Variants in FBXO3 observed in about 807,000 individuals in gnomAD.
FBXO3 encodes the protein F-box only protein 3.
FBXO3 carries 17 observed loss-of-function variants against 64.8 expected under a neutral mutation model. The observed-to-expected ratio is 0.26, with a 90% CI of 0.18 to 0.39. The LOEUF is 0.39. FBXO3 is among the 10% of genes least tolerant of loss of function. The pLI is 1.00. For synonymous variants in FBXO3, 182 were observed against 201.6 expected (o/e 0.90, Z 0.82); for missense variants, 420 against 589.9 (o/e 0.71, Z 2.98).
At chr11:33,746,829 C>G in intron 10 of FBXO3, 1 of 1,410,392 alleles carries the variant, frequency 7.1e-7, no homozygotes, top group Non-Finnish European at 9.2e-7. Flanking sequence ...AAGTTGTTTT[C>G]CCAGTCTTAA....
intron 4 of FBXO3, chr11:33,757,166 A>G: frequency 4.0e-6 from 2 of 494,648 alleles, no homozygotes; most frequent in South Asian, 3.0e-5. Context: ...CCAGGTTCCA[A>G]TAAGAACAGT....
intron 3 of FBXO3, among the ~76,000 whole-genome samples, chr11:33,760,100 AAGTAGAAGC>A (rs1200924599): frequency 6.6e-6 from 1 of 152,358 alleles, no homozygotes; most frequent in Non-Finnish European, 1.5e-5. Context: ...AAGCAGAATG[AAGTAGAAGC>A]AGTATTTGGA....
At position 33,748,871 on chromosome 11, in the gene FBXO3, T is replaced by C; in HGVS notation, c.954A>G (p.Ala318=). ...YRIRIEMSKD[A]LPEKACQLDS... ...CCAACTGACAGGCCTTCTCAGGAAG[T>C]GCATCTTTTGACATTTCAATCCTAG... Residue 318 remains alanine (A), a synonymous_variant, in exon 9 of 11, where the codon GCA becomes GCG. Transcript: ENST00000265651. 1 of 1,613,412 alleles carries C rather than the reference T, an allele frequency of 6.2e-7. No homozygotes were observed.
In FBXO3 at chr11:33,746,728, C is replaced by T; in HGVS notation, c.1239+402G>A. ...TCCCAGAGAGACTGCCAAAAGTACA[C>T]ATCCACACATTAAATTTTCTTTATA... On this transcript the variant is annotated intron_variant, in intron 10 of 10. Transcript: ENST00000265651. 4.9e-6 allele frequency: 7 copies of T among 1,418,652 alleles called. No homozygotes were observed. In the South Asian group the frequency reaches 1.0e-4, roughly 21 times the overall value. The allele number at this position is 1,418,652 out of a possible 1,614,324, so 87.9% of individuals were successfully genotyped here.
chr11:33,742,199 T>G, intron 10 of FBXO3, 115 bp from the exon 11 acceptor site: 1 of 980,102 alleles, frequency 1.0e-6, no homozygotes, highest in East Asian at 2.7e-5. Flanking sequence ...AATATGAATT[T>G]CCATAGACTT....
intron 3 of FBXO3, among the ~76,000 whole-genome samples, chr11:33,766,465 G>A (rs559112953): frequency 6.6e-6 from 1 of 152,190 alleles, no homozygotes; most frequent in African/African-American, 2.4e-5. Context: ...CGGAGTTGAA[G>A]AGTTGTGACA....
chr11:33,746,458 C>A, intron 10 of FBXO3: 1 of 478,498 alleles, frequency 2.1e-6, no homozygotes, highest in South Asian at 4.4e-5. Context: ...TCCATCTTTC[C>A]AAACTTAAAC....
intron 1 of FBXO3, chr11:33,771,423 C>T (rs569736543): frequency 1.3e-5 from 2 of 152,328 alleles, no homozygotes; most frequent in African/African-American, 4.8e-5. Context: ...TGCCCCAAAA[C>T]ATCGAATGTT....
At chr11:33,769,567 G>T (rs1269558785) in intron 2 of FBXO3, among the ~76,000 whole-genome samples, 1 of 152,176 alleles carries the variant, frequency 6.6e-6, no homozygotes, top group African/African-American at 2.4e-5. Context: ...AAAGGTAAGA[G>T]TCTAACCAGT....
chr11:33,771,076 A>C (rs1855499028), intron 1 of FBXO3: 1 of 344,824 alleles, frequency 2.9e-6, no homozygotes, highest in Non-Finnish European at 5.4e-6. Context: ...ATTTTTCACA[A>C]AAATATCTAC....
At chr11:33,768,762 G>A (rs762812423) in intron 3 of FBXO3, 89 bp downstream of exon 3, 63 of 1,476,282 alleles carry the variant, frequency 4.3e-5, no homozygotes, top group African/African-American at 1.2e-4. Context: ...ACACAGTTGC[G>A]TAGATGACAG....
In FBXO3 at chr11:33,774,493, G is replaced by T. The variant is rs373113147; in HGVS notation, c.5C>A (p.Ala2Glu). Residue 2 changes from alanine to glutamate, a missense_variant, in exon 1 of 11, where the codon GCG (alanine) becomes GAG (glutamate). Ala to Glu is a moderately radical substitution (Grantham distance 107, BLOSUM62 -1). Around this residue, in one of 3 missense-constraint regions of FBXO3, gnomAD observed 26 missense variants for 16.1 expected, o/e 1.62. Coordinates refer to ENST00000265651, the MANE Select transcript of FBXO3 (RefSeq NM_012175.4). M[A>E]AMETETAPLT... ...CGGCGCCGTCTCGGTCTCCATGGCCGCCATCTTGCCTGGCCCGGTGCAGGT... is the reference window on the plus strand; with the variant it reads ...CGGCGCCGTCTCGGTCTCCATGGCCTCCATCTTGCCTGGCCCGGTGCAGGT... The T allele has an allele frequency of 4.5e-5, 70 of 1,556,654 alleles. No individual in the cohort carries two copies. Among genetic ancestry groups the T allele is most frequent in the African/African-American group, 2.8e-5 (2 of 72,224 alleles).
rs548047340 is a variant in FBXO3 at position 33,752,392 on chromosome 11, TA to T, written c.725-786del. On this transcript the variant is annotated intron_variant, in intron 6 of 10. Transcript: ENST00000265651. ...CAGTGCCTGGAATGTATTAGTCCTT[TA>T]ATTAATGTTGTTCAACAATGAATTT... is the stretch of plus-strand genomic sequence containing the variant. Among the ~76,000 whole-genome samples the T allele has an allele frequency of 1.2e-3, 181 of 152,338 alleles. 1 individual carries two copies. The highest frequency in any genetic ancestry group is 1.9e-3 in the Admixed American group (29 of 15,306).
chr11:33,748,327 C>T (rs1482261089), intron 9 of FBXO3, among the ~76,000 whole-genome samples: 1 of 152,114 alleles, frequency 6.6e-6, no homozygotes, highest in Non-Finnish European at 1.5e-5. Context: ...TGTTATTTTC[C>T]TGGAGCATAT....
intron 2 of FBXO3, among the ~76,000 whole-genome samples, 185 bp downstream of exon 2, chr11:33,770,556 G>T (rs1411807250): frequency 6.6e-6 from 1 of 152,230 alleles, no homozygotes; most frequent in African/African-American, 2.4e-5. Flanking sequence ...GTAGAGTTCA[G>T]CAAGGGAGAG....
rs894322127 is a variant in FBXO3 at position 33,743,116 on chromosome 11, T to C, written c.1240-1032A>G. 1 of 152,202 alleles carries C rather than the reference T, an allele frequency of 6.6e-6. No individual in the cohort carries two copies. The highest frequency in any genetic ancestry group is 2.4e-5 in the African/African-American group (1 of 41,410). 9.4% of individuals were successfully genotyped at this position (152,202 alleles called of 1,614,324 possible). A position where few individuals can be genotyped will look rare whatever the true frequency, so the allele number is the denominator to read the frequency against. Reference sequence around the variant, plus strand: ...GGACTTCTTACATGGTGGCTCAGGGTGTCAAAGACACATGTCCCAGGAGAG... The same window carrying C: ...GGACTTCTTACATGGTGGCTCAGGGCGTCAAAGACACATGTCCCAGGAGAG... On this transcript the variant is annotated intron_variant, in intron 10 of 10. Transcript: ENST00000265651. This position sits in a 1 kb window ranked among gnomAD's most constrained non-coding sequence, Gnocchi z 4.6.
At chr11:33,767,899 C>T in intron 3 of FBXO3, among the ~76,000 whole-genome samples, 1 of 152,220 alleles carries the variant, frequency 6.6e-6, no homozygotes. Flanking sequence ...TACTTTCCTT[C>T]AAAGCCCTAC....
At position 33,755,665 on chromosome 11, in the gene FBXO3, A is replaced by G. The variant is rs1417308013; in HGVS notation, c.678+106T>C. ...TTAGAGAGGTCTATAACTAAAATGC[A>G]TAATATTCTATACCCATTCTACAAT... On this transcript the variant is annotated intron_variant, in intron 5 of 10. Coordinates refer to ENST00000265651, the MANE Select transcript of FBXO3 (RefSeq NM_012175.4). The G allele has an allele frequency of 8.6e-6, 7 of 811,384 alleles. No homozygotes were observed. In the East Asian group the frequency reaches 1.0e-4, roughly 12 times the overall value. The allele number at this position is 811,384 out of a possible 1,614,324, so 50.3% of individuals were successfully genotyped here.
intron 5 of FBXO3, among the ~76,000 whole-genome samples, chr11:33,755,108 T>C (rs918428323): frequency 6.6e-6 from 1 of 151,792 alleles, no homozygotes; most frequent in South Asian, 2.1e-4. Flanking sequence ...CTGATCTCAG[T>C]TGATCCACCC....
Sources: allele counts gnomAD v4.1 joint callset (sites outside exome capture counted in the v4.1 genomes callset), GRCh38; gene constraint gnomAD v4.1.1; regional missense constraint gnomAD v4.1.1; non-coding constraint Gnocchi (gnomAD v3.1); transcripts MANE v1.5; gene names NCBI Gene and HGNC (gene_info 2026-07-23, HGNC 2026-07-21).